PPWD1: variants seen among roughly 807,000 people sequenced by gnomAD.
PPWD1 encodes the protein peptidylprolyl isomerase domain and WD repeat-containing protein 1.
A neutral mutation model predicts 68.8 loss-of-function variants in PPWD1; 43 were observed. That is an observed-to-expected ratio of 0.62 (90% CI 0.49 to 0.81). The LOEUF (loss-of-function observed/expected upper bound fraction) is 0.81, where lower values mean the gene tolerates loss of function less well. PPWD1 is among the 30% of genes least tolerant of loss of function. The probability of loss-of-function intolerance (pLI) is 0.00; values close to 1 mark genes in which losing one functional copy is unlikely to be tolerated. For missense variants in PPWD1, 672 were observed against 804.8 expected, an observed-to-expected ratio of 0.83 and a Z score of 2.00; for synonymous variants, 232 against 258.7, an observed-to-expected ratio of 0.90 and a Z score of 0.99.
intron 8 of PPWD1, 123 bp downstream of exon 8, chr5:65,583,342 A>T (rs543805740): frequency 8.9e-7 from 1 of 1,119,970 alleles, no homozygotes; most frequent in South Asian, 2.2e-5. Context: ...GAAACGTTTG[A>T]TAAAAAACAT....
intron 4 of PPWD1, among the ~76,000 whole-genome samples, chr5:65,571,347 G>C (rs1752997770): frequency 6.6e-6 from 1 of 152,142 alleles, no homozygotes; most frequent in African/African-American, 2.4e-5. Context: ...TTAATATCAA[G>C]ATTTAGTTAG....
At position 65,576,668 on chromosome 5, in the gene PPWD1, C is replaced by T. The variant is rs570885769; in HGVS notation, c.970-211C>T. The T allele has an allele frequency of 2.3e-5, 18 of 767,282 alleles. No homozygotes were observed. The African/African-American group carries it at 3.4e-4, about 14-fold the overall frequency. 47.5% of individuals were successfully genotyped at this position (767,282 alleles called of 1,614,324 possible). On this transcript the variant is annotated intron_variant, in intron 5 of 10. Coordinates refer to ENST00000261308, the MANE Select transcript of PPWD1 (RefSeq NM_015342.4). ...GGGATTAGAGGCATAAGCCACCATG[C>T]CCAGCCTGAAATACTATTTTTTAGT... is the stretch of plus-strand genomic sequence containing the variant.
intron 2 of PPWD1, chr5:65,568,799 C>T: frequency 3.1e-6 from 1 of 317,772 alleles, no homozygotes; most frequent in Non-Finnish European, 6.2e-6. Context: ...TAATTCTGAC[C>T]AAATATTAGC....
chr5:65,569,613 T>C lies in PPWD1; in HGVS notation c.300-19T>C, dbSNP rs1752930050. The C allele has an allele frequency of 1.9e-6, 3 of 1,548,632 alleles. No homozygotes were observed. Among genetic ancestry groups the C allele is most frequent in the Non-Finnish European group, 1.8e-6 (2 of 1,132,802 alleles). On this transcript the variant is annotated intron_variant, in intron 2 of 10. Coordinates refer to ENST00000261308, the MANE Select transcript of PPWD1 (RefSeq NM_015342.4). ...TAGATCTGTCTTAGAAATTAACTTT[T>C]AACATTTCATATATGCAGAACAGAT...
chr5:65,574,446 CTCTT>C (rs1561726390), intron 5 of PPWD1, among the ~76,000 whole-genome samples: 4 of 133,508 alleles, frequency 3.0e-5, no homozygotes, highest in Non-Finnish European at 6.3e-5. Context: ...GGACACAAAT[CTCTT>C]TTTTTTTTTT....
rs757756924 is a variant in PPWD1, at chr5:65,579,409, T to C, written c.1161-15T>C. 7 of 1,474,672 alleles carry C rather than the reference T, an allele frequency of 4.7e-6. No homozygotes were observed. The highest frequency in any genetic ancestry group is 1.4e-5 in the South Asian group (1 of 68,994). The allele number at this position is 1,474,672 out of a possible 1,614,324, so 91.3% of individuals were successfully genotyped here. Reference sequence around the variant, plus strand: ...TTCGGTGATTCTGTTGTATAAAACATTGTTATATTTTTAGGTGTGTGCGGA... The same window carrying C: ...TTCGGTGATTCTGTTGTATAAAACACTGTTATATTTTTAGGTGTGTGCGGA... On this transcript the variant is annotated splice_polypyrimidine_tract_variant and intron_variant, in intron 6 of 10. Coordinates refer to ENST00000261308, the MANE Select transcript of PPWD1 (RefSeq NM_015342.4).
intron 7 of PPWD1, among the ~76,000 whole-genome samples, chr5:65,580,860 G>T (rs1426736433): frequency 6.6e-6 from 1 of 152,076 alleles, no homozygotes; most frequent in Admixed American, 6.5e-5. Flanking sequence ...TGCCTGCTAT[G>T]TTTCTCTTAT....
chr5:65,582,450 A>G (rs1753635369), intron 7 of PPWD1: 1 of 152,198 alleles, frequency 6.6e-6, no homozygotes, highest in Non-Finnish European at 1.5e-5. Context: ...TCTACCTAGC[A>G]TGGGGTCCTG....
chr5:65,564,681 C>T (rs887863840), intron 1 of PPWD1, among the ~76,000 whole-genome samples: 1 of 152,164 alleles, frequency 6.6e-6, no homozygotes, highest in Non-Finnish European at 1.5e-5. Context: ...ATGATGTGAT[C>T]TCTCCTTACC....
chr5:65,571,488 A>G (rs1753004254), intron 4 of PPWD1, among the ~76,000 whole-genome samples: 1 of 152,206 alleles, frequency 6.6e-6, no homozygotes, highest in Admixed American at 6.5e-5. Flanking sequence ...TAAGTTATAC[A>G]TAGACTGTTG....
At chr5:65,569,213 A>T (rs989688635) in intron 2 of PPWD1, 2 of 299,758 alleles carry the variant, frequency 6.7e-6, no homozygotes, top group African/African-American at 4.5e-5. Flanking sequence ...TATAGGATAT[A>T]AAAAAAACTT....
rs76522830 is a variant in PPWD1 at position 65,567,293 on chromosome 5, C to T, written c.197-220C>T. Among the ~76,000 whole-genome samples, 313 of 151,810 alleles carry T rather than the reference C, an allele frequency of 2.1e-3. 1 individual carries two copies. The highest frequency in any genetic ancestry group is 3.0e-3 in the Non-Finnish European group (202 of 67,940). On this transcript the variant is annotated intron_variant, in intron 1 of 10. Transcript: ENST00000261308. ...TAGCATGTATATAGTACCTGGGAAC[C>T]TGTTGTAACTGACTAAATAATGACG...
chr5:65,579,647 G>A, intron 7 of PPWD1, 34 bp downstream of exon 7: 1 of 1,362,852 alleles, frequency 7.3e-7, no homozygotes, highest in Non-Finnish European at 9.6e-7. Context: ...AGACGGTAAT[G>A]TTCCTTCCAG....
intron 2 of PPWD1, 121 bp from the exon 3 acceptor site, chr5:65,569,511 T>G (rs1370151982): frequency 1.8e-5 from 22 of 1,193,282 alleles, no homozygotes; most frequent in Non-Finnish European, 2.3e-5. Flanking sequence ...TAAAGAAGGG[T>G]TTTTTTTAAA....
chr5:65,585,709 A>G (rs1009251598), intron 9 of PPWD1, among the ~76,000 whole-genome samples: 1 of 152,154 alleles, frequency 6.6e-6, no homozygotes, highest in Non-Finnish European at 1.5e-5. Context: ...ATAAAACATA[A>G]CATACAGATC....
chr5:65,584,227 G>T (rs1753720794), intron 8 of PPWD1, among the ~76,000 whole-genome samples: 2 of 152,140 alleles, frequency 1.3e-5, no homozygotes, highest in African/African-American at 4.8e-5. Context: ...CACTTTAAGT[G>T]CTCAAAACCC....
At chr5:65,579,668 C>T in intron 7 of PPWD1, 55 bp downstream of exon 7, 5 of 1,298,400 alleles carry the variant, frequency 3.9e-6, no homozygotes, top group Non-Finnish European at 5.0e-6. Flanking sequence ...TTTGGTTTGA[C>T]TTTTCTTTGT....
chr5:65,574,487 C>T (rs1220353384), intron 5 of PPWD1, among the ~76,000 whole-genome samples: 9 of 124,900 alleles, frequency 7.2e-5, no homozygotes, highest in Admixed American at 1.9e-4. Context: ...GACGGAGTCT[C>T]GCCCTGTTGC....
At chr5:65,564,055 G>A in intron 1 of PPWD1, 1 of 502,910 alleles carries the variant, frequency 2.0e-6, no homozygotes, top group Non-Finnish European at 3.5e-6. Flanking sequence ...AAAACCCGAA[G>A]TCTGTGGTTT....
Sources: gnomAD v4.1 joint callset for allele counts (sites outside exome capture counted in the v4.1 genomes callset) on GRCh38, gnomAD v4.1.1 for gene constraint, MANE v1.5 for transcripts, NCBI Gene and HGNC (gene_info 2026-07-23, HGNC 2026-07-21) for gene names.